Variants in MYOZ1 observed in about 807,000 individuals in gnomAD.
MYOZ1 encodes the protein myozenin 1.
A neutral mutation model predicts 28.7 loss-of-function variants in MYOZ1; 20 were observed. The observed-to-expected ratio is 0.70, with a 90% CI of 0.49 to 1.01. The LOEUF (loss-of-function observed/expected upper bound fraction) is 1.01, where lower values mean the gene tolerates loss of function less well. Among genes scored for constraint, MYOZ1 ranks in the 50% least tolerant of loss-of-function variants. The pLI is 0.00. For missense variants in MYOZ1, 371 were observed against 372.4 expected (o/e 1.00, Z 0.03); for synonymous variants, 144 against 145.8 (o/e 0.99, Z 0.09).
Position 73,633,953 on chromosome 10 carries a change from G to A in MYOZ1, c.615C>T (p.Asp205=). 2 of 1,613,952 alleles carry A rather than the reference G, an allele frequency of 1.2e-6. No homozygotes were observed. The highest frequency in any genetic ancestry group is 1.7e-6 in the Non-Finnish European group (2 of 1,179,956). ...CAGCTTTGGCCCCATAGGCCAGCAG[G>A]TCAATGCCAAGTTCCATTTTTTGCT... The part of the protein sequence containing the change: ...DPQQKMELGI[D]LLAYGAKAEL... Residue 205 remains aspartate, a synonymous_variant, in exon 5 of 6, where the codon GAC becomes GAT. Coordinates refer to ENST00000359322, the MANE Select transcript of MYOZ1 (RefSeq NM_021245.4).
Position 73,634,511 on chromosome 10 carries a change from T to C in MYOZ1, c.475A>G (p.Thr159Ala). The C allele has an allele frequency of 1.2e-6, 2 of 1,614,160 alleles. No individual in the cohort carries two copies. The highest frequency in any genetic ancestry group is 3.3e-4 in the Middle Eastern group (2 of 6,062). ...GQAGRGGAAG[T>A]AGVGETGSGD... ...GATCCTGTCTCACCAACCCCTGCTG[T>C]GCCAGCAGCTCCTCCTCTGCCAGCC... Residue 159 changes from threonine to alanine, a missense_variant, in exon 4 of 6, where the codon ACA becomes GCA. Physicochemically the swap from Thr to Ala is moderately conservative, Grantham distance 58 (BLOSUM62 0). Transcript: ENST00000359322.
chr10:73,641,259 C>T (rs1564985984), intron 1 of MYOZ1, among the ~76,000 whole-genome samples, 152 bp downstream of exon 1: 1 of 152,166 alleles, frequency 6.6e-6, no homozygotes, highest in Non-Finnish European at 1.5e-5. Flanking sequence ...TCCAACTCTC[C>T]TTCCCCTCTC....
At chr10:73,632,208 C>T in intron 5 of MYOZ1, 47 bp from the exon 6 acceptor site, 1 of 1,544,160 alleles carries the variant, frequency 6.5e-7, no homozygotes, top group South Asian at 1.1e-5. Flanking sequence ...ATAAAAGAAA[C>T]AGAGCCTTAT....
In MYOZ1 at chr10:73,637,798, C is replaced by A. The variant is rs1280909290; in HGVS notation, c.198G>T (p.Arg66Ser). 1.2e-6 allele frequency: 2 copies of A among 1,614,108 alleles called. No individual in the cohort carries two copies. The highest frequency in any genetic ancestry group is 3.3e-5 in the Admixed American group (2 of 60,010). The change falls in exon 3 of 6, where the codon AGG becomes AGT. Residue 66 changes from arginine to serine, a missense_variant. Physicochemically the swap from Arg to Ser is moderately radical, Grantham distance 110. Coordinates refer to ENST00000359322, the MANE Select transcript of MYOZ1 (RefSeq NM_021245.4). The stretch of plus-strand genomic sequence containing the variant: ...GGTTCTCATAAATAAACTTCTCCAC[C>A]CTCATCTGCCGCAGTTTGAACATCT... ...GSKMFKLRQM[R>S]VEKFIYENHP...
chr10:73,638,059 A>C, intron 2 of MYOZ1, 137 bp from the exon 3 acceptor site: 1 of 775,406 alleles, frequency 1.3e-6, no homozygotes, highest in Non-Finnish European at 2.1e-6. Context: ...AATGCTGTCT[A>C]GTTTGTGAGG....
chr10:73,631,861 C>A lies in MYOZ1; in HGVS notation c.*69G>T. ...ATACTGGATTAACAATGGGGGCTAT[C>A]TGCTCAGCATTCCCTCTCCAAATTG... On this transcript the variant is annotated 3_prime_UTR_variant, in exon 6 of 6. Coordinates refer to ENST00000359322, the MANE Select transcript of MYOZ1 (RefSeq NM_021245.4). 1 of 1,343,288 alleles carries A rather than the reference C, an allele frequency of 7.4e-7. No individual in the cohort carries two copies. The highest frequency in any genetic ancestry group is 1.4e-5 in the African/African-American group (1 of 69,348). 83.2% of individuals were successfully genotyped at this position (1,343,288 alleles called of 1,614,324 possible).
rs756432970 is a variant in MYOZ1 at position 73,631,964 on chromosome 10, C to T, written c.866G>A (p.Gly289Asp). The change falls in exon 6 of 6, where the codon GGC (glycine) becomes GAC (aspartate). Residue 289 changes from glycine (G) to aspartate (D), a missense_variant. Coordinates refer to ENST00000359322, the MANE Select transcript of MYOZ1 (RefSeq NM_021245.4). ...CTCTGTTTCTCCATCCAAGGGGATG[C>T]CAATATCCACGTTGTAGTCTACAGG... ...GEPVDYNVDI[G>D]IPLDGETEEL The T allele has an allele frequency of 1.2e-6, 2 of 1,614,032 alleles. No homozygotes were observed. The highest frequency in any genetic ancestry group is 2.2e-5 in the South Asian group (2 of 91,076).
rs1358905183 is a variant in MYOZ1 at position 73,637,731 on chromosome 10, G to T, written c.252+13C>A. On this transcript the variant is annotated intron_variant, in intron 3 of 5. Transcript: ENST00000359322. ...CACCAGGCTTTGAGATAGTGATAAA[G>T]TTCCAGACTCACCATTGAGCTGTCA... The T allele has an allele frequency of 1.2e-6, 2 of 1,607,832 alleles. No individual in the cohort carries two copies. The highest frequency in any genetic ancestry group is 2.7e-5 in the African/African-American group (2 of 74,800).
chr10:73,631,679 T>C lies in MYOZ1; in HGVS notation c.*251A>G. 1 of 466,872 alleles carries C rather than the reference T, an allele frequency of 2.1e-6. No individual in the cohort carries two copies. The highest frequency in any genetic ancestry group is 3.9e-6 in the Non-Finnish European group (1 of 256,210). The allele number at this position is 466,872 out of a possible 1,614,324, so 28.9% of individuals were successfully genotyped here. On this transcript the variant is annotated 3_prime_UTR_variant, in exon 6 of 6. Coordinates refer to ENST00000359322, the MANE Select transcript of MYOZ1 (RefSeq NM_021245.4). ...TTCATTTTCCTTGAAGTTTATTGAC[T>C]GTTACTGGTGGCAGAGCAAATTCCA...
At position 73,633,930 on chromosome 10, in the gene MYOZ1, G is replaced by T. The variant is rs752384469; in HGVS notation, c.638C>A (p.Ala213Asp). 44 of 1,613,168 alleles carry T rather than the reference G, an allele frequency of 2.7e-5. No homozygotes were observed. The highest frequency in any genetic ancestry group is 3.4e-5 in the Non-Finnish European group (40 of 1,179,772). Residue 213 changes from alanine to aspartate, a missense_variant, in exon 5 of 6, where the codon GCT becomes GAT. Physicochemically the swap from Ala to Asp is moderately radical, Grantham distance 126. Coordinates refer to ENST00000359322, the MANE Select transcript of MYOZ1 (RefSeq NM_021245.4). ...GAAGGACTTATATTTGGGAAGTTCA[G>T]CTTTGGCCCCATAGGCCAGCAGGTC... ...GIDLLAYGAK[A>D]ELPKYKSFNR...
chr10:73,634,211 A>G, intron 4 of MYOZ1, 146 bp from the exon 5 acceptor site: 1 of 1,100,980 alleles, frequency 9.1e-7, no homozygotes, highest in Non-Finnish European at 1.3e-6. Context: ...TTTGTGGCAT[A>G]ATGATAGTCT....
chr10:73,637,604 G>A (rs1321011552), intron 3 of MYOZ1, 140 bp downstream of exon 3: 7 of 809,838 alleles, frequency 8.6e-6, no homozygotes, highest in Non-Finnish European at 1.4e-5. Context: ...GCTGTTGCGG[G>A]CTCAATATAT....
intron 4 of MYOZ1, 89 bp downstream of exon 4, chr10:73,634,395 C>T: frequency 6.6e-7 from 1 of 1,509,700 alleles, no homozygotes. Flanking sequence ...AACTGACCTC[C>T]TCTGCTCCCC....
rs756759737 is a variant in MYOZ1, at chr10:73,631,976, T to A, written c.854A>T (p.Asn285Ile). The A allele has an allele frequency of 6.2e-7, 1 of 1,614,024 alleles. No individual in the cohort carries two copies. The highest frequency in any genetic ancestry group is 8.5e-7 in the Non-Finnish European group (1 of 1,179,988). The change falls in exon 6 of 6, where the codon AAC becomes ATC. Residue 285 changes from asparagine (N) to isoleucine (I), a missense_variant. Coordinates refer to ENST00000359322, the MANE Select transcript of MYOZ1 (RefSeq NM_021245.4). ...WLSSGEPVDY[N>I]VDIGIPLDGE... ...ATCCAAGGGGATGCCAATATCCACG[T>A]TGTAGTCTACAGGCTCCCCAGAGCT...
At chr10:73,635,451 G>A (rs185571562) in intron 3 of MYOZ1, among the ~76,000 whole-genome samples, 2 of 151,760 alleles carry the variant, frequency 1.3e-5, no homozygotes, top group East Asian at 1.9e-4. Flanking sequence ...ACACAATCTC[G>A]GCTCACTGCA....
chr10:73,631,734 A>G lies in MYOZ1; in HGVS notation c.*196T>C. On this transcript the variant is annotated 3_prime_UTR_variant, in exon 6 of 6. Coordinates refer to ENST00000359322, the MANE Select transcript of MYOZ1 (RefSeq NM_021245.4). ...CGAGCAGGTTCCATATGGAGCAAGT[A>G]GAAGGGGAGCTCTGAGTTGGTGAGG... The G allele has an allele frequency of 1.7e-6, 1 of 572,696 alleles. No homozygotes were observed. Among genetic ancestry groups the G allele is most frequent in the Non-Finnish European group, 3.1e-6 (1 of 321,608 alleles). 35.5% of individuals were successfully genotyped at this position (572,696 alleles called of 1,614,324 possible).
rs112328645 is a variant in MYOZ1 at position 73,638,173 on chromosome 10, C to T, written c.74-251G>A. On this transcript the variant is annotated intron_variant, in intron 2 of 5. Transcript: ENST00000359322. ...AGAGGCCAATGGGGTAAAAGAGGTA[C>T]GGGCATGGGGTACAGAGCAAAAGGA... Among the ~76,000 whole-genome samples, 77 of 151,496 alleles carry T rather than the reference C, an allele frequency of 5.1e-4. 1 individual carries two copies. Among genetic ancestry groups the T allele is most frequent in the African/African-American group, 1.8e-3 (73 of 41,234 alleles).
At position 73,638,307 on chromosome 10, in the gene MYOZ1, ATATATATT is replaced by A. The variant is rs530973135; in HGVS notation, c.74-393_74-386del. On this transcript the variant is annotated intron_variant, in intron 2 of 5. Transcript: ENST00000359322. ...ATACAGATGCCATATATATATATAT[ATATATATT>A]TGTTTTTATTTTTTATTCTTTTTTT... 1.6e-3 allele frequency among the ~76,000 whole-genome samples: 247 copies of A among 151,072 alleles called. 2 individuals are homozygous for A. The highest frequency in any genetic ancestry group is 0.01 in the Middle Eastern group (3 of 292).
Position 73,637,882 on chromosome 10 carries a change from G to A in MYOZ1, c.114C>T (p.Ile38=). Residue 38 remains isoleucine, a synonymous_variant, in exon 3 of 6, where the codon ATC becomes ATT. Coordinates refer to ENST00000359322, the MANE Select transcript of MYOZ1 (RefSeq NM_021245.4). ...ESSGLNLGKK[I]SVPRDVMLEE... ...CCAACATCACATCCCTTGGGACACT[G>A]ATCTTTTTGCCCAGGTTCAAGCCTG... 1 of 1,613,990 alleles carries A rather than the reference G, an allele frequency of 6.2e-7. No individual in the cohort carries two copies. The highest frequency in any genetic ancestry group is 8.5e-7 in the Non-Finnish European group (1 of 1,180,004).
Sources: gnomAD v4.1 joint callset for allele counts (sites outside exome capture counted in the v4.1 genomes callset) on GRCh38, gnomAD v4.1.1 for gene constraint, MANE v1.5 for transcripts, NCBI Gene and HGNC (gene_info 2026-07-23, HGNC 2026-07-21) for gene names.